SGCD: variants seen among roughly 807,000 people sequenced by gnomAD.
The protein encoded by SGCD is delta-sarcoglycan.
A neutral mutation model predicts 36.6 loss-of-function variants in SGCD; 18 were observed. That is an observed-to-expected ratio of 0.49 (90% confidence interval 0.34 to 0.73). The LOEUF (loss-of-function observed/expected upper bound fraction) is 0.73, where lower values mean the gene tolerates loss of function less well. Among genes scored for constraint, SGCD ranks in the 30% least tolerant of loss-of-function variants. The probability of loss-of-function intolerance (pLI) is 0.01; values close to 1 mark genes in which losing one functional copy is unlikely to be tolerated. For missense variants in SGCD, 387 were observed against 346.7 expected, an observed-to-expected ratio of 1.12 and a Z score of -0.92; for synonymous variants, 133 against 130.6, an observed-to-expected ratio of 1.02 and a Z score of -0.12.
At chr5:156,642,205 C>T (rs1421034868) in intron 6 of SGCD, among the ~76,000 whole-genome samples, 1 of 152,118 alleles carries the variant, frequency 6.6e-6, no homozygotes, top group Non-Finnish European at 1.5e-5. Context: ...CTAATTATTT[C>T]CCAAACGCCC....
intron 3 of SGCD, among the ~76,000 whole-genome samples, chr5:156,170,712 A>T (rs771197196): frequency 1.2e-4 from 18 of 152,174 alleles, no homozygotes; most frequent in Non-Finnish European, 2.6e-4. Flanking sequence ...GTCAGGAAAC[A>T]TCTATCATAT....
rs1450386316 is a variant in SGCD at position 156,065,401 on chromosome 5, A to G, written c.-281-52477A>G. ...TAGGTGTGGTGTGGTGCTGAGAAGA[A>G]TGTATATTCTGTTGATTTGGGGTGG... On this transcript the variant is annotated intron_variant, in intron 1 of 9. Coordinates refer to the SGCD transcript ENST00000517913. Among the ~76,000 whole-genome samples, 20 of 126,240 alleles carry G rather than the reference A, an allele frequency of 1.6e-4. No individual in the cohort carries two copies. In the East Asian group the frequency reaches 4.0e-3, roughly 25 times the overall value. 82.8% of individuals were successfully genotyped at this position (126,240 alleles called of 152,430 possible).
chr5:156,618,574 T>G (rs1762105054), intron 6 of SGCD, among the ~76,000 whole-genome samples: 1 of 116,316 alleles, frequency 8.6e-6, no homozygotes, highest in African/African-American at 3.4e-5. Context: ...CTACAGGGAG[T>G]ACAGCACTCA....
At chr5:156,143,703 C>T (rs774182414) in intron 3 of SGCD, among the ~76,000 whole-genome samples, 11 of 152,110 alleles carry the variant, frequency 7.2e-5, no homozygotes, top group Middle Eastern at 3.2e-3. Flanking sequence ...GACTTGCATA[C>T]GGCCTGCAGC....
chr5:156,467,098 A>G (rs1754752372), intron 3 of SGCD, among the ~76,000 whole-genome samples: 1 of 152,206 alleles, frequency 6.6e-6, no homozygotes, highest in African/African-American at 2.4e-5. Context: ...GAAAGCATCC[A>G]TAGACAAAGT....
the SGCD span, among the ~76,000 whole-genome samples, chr5:155,829,380 G>T: frequency 6.6e-6 from 1 of 150,904 alleles, no homozygotes; most frequent in Non-Finnish European, 1.5e-5. Context: ...TGTGAAATTT[G>T]CTACAGCCAT....
chr5:156,001,355 T>C (rs1758660368), intron 1 of SGCD, among the ~76,000 whole-genome samples: 1 of 152,222 alleles, frequency 6.6e-6, no homozygotes, highest in Admixed American at 6.5e-5. Flanking sequence ...ATTTGTTTTA[T>C]GGGGAACTGG....
At chr5:156,202,055 G>T (rs1219352998) in intron 3 of SGCD, among the ~76,000 whole-genome samples, 1 of 152,144 alleles carries the variant, frequency 6.6e-6, no homozygotes, top group Non-Finnish European at 1.5e-5. Flanking sequence ...TTCAGGTTTA[G>T]ATTAAGTCAT....
chr5:156,530,704 T>C (rs938158317), intron 4 of SGCD, among the ~76,000 whole-genome samples: 2 of 152,034 alleles, frequency 1.3e-5, no homozygotes, highest in African/African-American at 4.8e-5. Flanking sequence ...CTCAGCCTCT[T>C]GAGTAACTAG....
At chr5:155,852,229 T>G in the SGCD span, among the ~76,000 whole-genome samples, 1 of 152,186 alleles carries the variant, frequency 6.6e-6, no homozygotes, top group Non-Finnish European at 1.5e-5. Flanking sequence ...GCCTTTTTCT[T>G]GTAATTTTTT....
chr5:155,980,869 A>G (rs921392097), intron 1 of SGCD, among the ~76,000 whole-genome samples: 2 of 149,606 alleles, frequency 1.3e-5, no homozygotes, highest in African/African-American at 5.0e-5. Context: ...TGGGAAATAC[A>G]TAGTCTTTAA....
intron 4 of SGCD, among the ~76,000 whole-genome samples, chr5:156,581,306 G>T (rs1030891056): frequency 4.6e-5 from 7 of 152,132 alleles, no homozygotes; most frequent in African/African-American, 1.7e-4. Flanking sequence ...TCCCAGAGGG[G>T]CACCTGCCTG....
chr5:156,060,728 C>T (rs1340369173), intron 1 of SGCD, among the ~76,000 whole-genome samples: 1 of 145,638 alleles, frequency 6.9e-6, no homozygotes. Flanking sequence ...CTGTTTGAAT[C>T]TTAATAGGTA....
intron 3 of SGCD, among the ~76,000 whole-genome samples, chr5:156,227,646 T>A (rs1764892199): frequency 6.6e-6 from 1 of 151,988 alleles, no homozygotes; most frequent in Admixed American, 6.6e-5. Flanking sequence ...TGAAGAATGA[T>A]GGTGATATTT....
At position 156,738,030 on chromosome 5, in the gene SGCD, AC is replaced by A. The variant is rs369522563; in HGVS notation, c.576-19550del. Among the ~76,000 whole-genome samples, 76 of 152,370 alleles carry A rather than the reference AC, an allele frequency of 5.0e-4. 2 individuals carry two copies. Among genetic ancestry groups the A allele is most frequent in the African/African-American group, 1.8e-3 (73 of 41,590 alleles). Reference sequence around the variant, plus strand: ...TCCAAATAACATTTGTGAATGTATTACTTTTAATTGCTAATTAAAATAATCA... The same window carrying A: ...TCCAAATAACATTTGTGAATGTATTATTTTAATTGCTAATTAAAATAATCA... On this transcript the variant is annotated intron_variant, in intron 7 of 8. Coordinates refer to ENST00000337851, the MANE Select transcript of SGCD (RefSeq NM_000337.6).
At chr5:155,903,063 A>T (rs944002674) in intron 1 of SGCD, among the ~76,000 whole-genome samples, 1 of 152,212 alleles carries the variant, frequency 6.6e-6, no homozygotes, top group Admixed American at 6.5e-5. Flanking sequence ...GAAAATGCAA[A>T]TGAGAATTTT....
intron 3 of SGCD, among the ~76,000 whole-genome samples, chr5:156,273,722 G>A (rs931181304): frequency 1.3e-5 from 2 of 152,126 alleles, no homozygotes; most frequent in Non-Finnish European, 2.9e-5. Context: ...AAGTGGGAGG[G>A]CAGTCATTGC....
intron 3 of SGCD, among the ~76,000 whole-genome samples, chr5:156,300,931 G>T (rs79876175): frequency 0.05 from 6,503 of 130,268 alleles, 176 homozygotes; most frequent in Non-Finnish European, 0.069. Context: ...AAGGACTCCT[G>T]CTCTCTTTTG....
chr5:155,909,819 AT>A (rs564395974), intron 1 of SGCD, among the ~76,000 whole-genome samples: 10 of 150,318 alleles, frequency 6.7e-5, no homozygotes, highest in South Asian at 2.1e-4. Context: ...ATGAAGACCA[AT>A]TTTTTTTTTC....
Sources: gnomAD v4.1 joint callset for allele counts (sites outside exome capture counted in the v4.1 genomes callset) on GRCh38, gnomAD v4.1.1 for gene constraint, MANE v1.5 for transcripts, NCBI Gene and HGNC (gene_info 2026-07-23, HGNC 2026-07-21) for gene names.